Variants in SSPN observed in about 807,000 individuals in gnomAD.
The protein encoded by SSPN is sarcospan.
SSPN carries 15 observed loss-of-function variants against 19.1 expected under a neutral mutation model. That is an observed-to-expected ratio of 0.78 (90% CI 0.52 to 1.21). The LOEUF (loss-of-function observed/expected upper bound fraction) is 1.21, where lower values mean the gene tolerates loss of function less well. Among genes scored for constraint, SSPN ranks in the 50% most tolerant of loss-of-function variants. The pLI, the probability that SSPN is intolerant of heterozygous loss-of-function variation, is 0.00. For missense variants in SSPN, 291 were observed against 314.0 expected (o/e 0.93, Z 0.55); for synonymous variants, 147 against 140.3 (o/e 1.05, Z -0.34).
intron 1 of SSPN, among the ~76,000 whole-genome samples, chr12:26,173,919 A>G (rs975831871): frequency 6.6e-6 from 1 of 152,226 alleles, no homozygotes; most frequent in Non-Finnish European, 1.5e-5. Flanking sequence ...CCATAAAACT[A>G]CTAGACAAGG....
intron 1 of SSPN, among the ~76,000 whole-genome samples, chr12:26,176,420 C>T (rs867109668): frequency 1.3e-5 from 2 of 152,190 alleles, no homozygotes; most frequent in South Asian, 2.1e-4. Context: ...ATCCTTAAAG[C>T]GGTATCAAAA....
At chr12:26,123,956 G>C (rs1487784350) in intron 1 of SSPN, 22 of 843,486 alleles carry the variant, frequency 2.6e-5, no homozygotes, top group Non-Finnish European at 4.3e-5. Flanking sequence ...GTACGGTATA[G>C]CACAAGTTTT....
At chr12:26,162,418 G>A (rs947472116) in intron 1 of SSPN, among the ~76,000 whole-genome samples, 4 of 152,146 alleles carry the variant, frequency 2.6e-5, no homozygotes, top group Admixed American at 2.0e-4. Flanking sequence ...AATAACATGA[G>A]CTCCTTCTGC....
chr12:26,123,295 T>G (rs1204648617), intron 1 of SSPN: 2 of 1,278,704 alleles, frequency 1.6e-6, no homozygotes, highest in African/African-American at 1.5e-5. Flanking sequence ...TTTTCCCCAG[T>G]ATTCAAGTGA....
chr12:26,127,011 C>T (rs1591841321), intron 1 of SSPN, among the ~76,000 whole-genome samples: 1 of 152,146 alleles, frequency 6.6e-6, no homozygotes, highest in African/African-American at 2.4e-5. Flanking sequence ...CCTATTCCTG[C>T]AGTACTGTAT....
intron 2 of SSPN, among the ~76,000 whole-genome samples, chr12:26,226,679 CCTGA>C (rs1465487631): frequency 2.0e-5 from 3 of 152,116 alleles, no homozygotes; most frequent in East Asian, 1.9e-4. Context: ...TTCCTAGTGG[CCTGA>C]CTTTCTCAGG....
intron 1 of SSPN, among the ~76,000 whole-genome samples, chr12:26,160,531 T>A (rs1243649468): frequency 6.6e-6 from 1 of 152,238 alleles, no homozygotes; most frequent in Non-Finnish European, 1.5e-5. Flanking sequence ...TCAGTCACTT[T>A]GAAAAATTAT....
chr12:26,208,022 G>GGGT (rs1944947210), intron 1 of SSPN, among the ~76,000 whole-genome samples: 1 of 119,754 alleles, frequency 8.4e-6, no homozygotes, highest in Non-Finnish European at 2.1e-5. Flanking sequence ...TGGTGGTGGG[G>GGGT]GGGGGGGATA....
Position 26,152,333 on chromosome 12 carries a change from G to A in SSPN, c.-31+30181G>A, listed in dbSNP as rs1944530597. Reference sequence around the variant, plus strand: ...AGATAACAATAAAAATGTAGTATAAGTAAAACAATTAGGAAGTGATAAGTT... The same window carrying A: ...AGATAACAATAAAAATGTAGTATAAATAAAACAATTAGGAAGTGATAAGTT... On this transcript the variant is annotated intron_variant, in intron 1 of 2. Transcript: ENST00000538142. Among the ~76,000 whole-genome samples the A allele has an allele frequency of 2.6e-5, 4 of 152,108 alleles. No homozygotes were observed. The South Asian group carries it at 8.3e-4, about 31-fold the overall frequency.
chr12:26,160,814 A>G (rs1231897237), intron 1 of SSPN, among the ~76,000 whole-genome samples: 1 of 152,166 alleles, frequency 6.6e-6, no homozygotes, highest in Admixed American at 6.5e-5. Flanking sequence ...AGCATTTAAA[A>G]AAATCAAAGT....
intron 1 of SSPN, among the ~76,000 whole-genome samples, chr12:26,188,562 G>T (rs1043821418): frequency 6.6e-6 from 1 of 152,128 alleles, no homozygotes; most frequent in African/African-American, 2.4e-5. Flanking sequence ...CCTGTGTCCT[G>T]GTTGAGTTAT....
At chr12:26,218,696 T>C (rs1945086950) in intron 1 of SSPN, among the ~76,000 whole-genome samples, 1 of 152,176 alleles carries the variant, frequency 6.6e-6, no homozygotes, top group Non-Finnish European at 1.5e-5. Flanking sequence ...TCTGGAATCT[T>C]GATTGGATAA....
chr12:26,188,835 AC>A (rs1944770041), intron 1 of SSPN, among the ~76,000 whole-genome samples: 1 of 152,112 alleles, frequency 6.6e-6, no homozygotes, highest in Non-Finnish European at 1.5e-5. Flanking sequence ...GTTCTCACTA[AC>A]CTGGTATGTG....
intron 1 of SSPN, among the ~76,000 whole-genome samples, chr12:26,174,480 C>CTTCA (rs1944671302): frequency 8.5e-6 from 1 of 117,750 alleles, no homozygotes; most frequent in South Asian, 3.3e-4. Context: ...CCCACGCTTC[C>CTTCA]TTCCTTCCTT....
At chr12:26,181,664 T>G (rs1944719262) in intron 1 of SSPN, among the ~76,000 whole-genome samples, 1 of 152,218 alleles carries the variant, frequency 6.6e-6, no homozygotes, top group South Asian at 2.1e-4. Flanking sequence ...TTTCTTTTCT[T>G]TTTTTGGCTT....
At chr12:26,132,008 T>C (rs1052175799) in intron 1 of SSPN, among the ~76,000 whole-genome samples, 11 of 152,108 alleles carry the variant, frequency 7.2e-5, no homozygotes, top group Non-Finnish European at 1.5e-4. Flanking sequence ...TCACCTTCCT[T>C]GGTGAAGCTC....
Position 26,232,007 on chromosome 12 carries a change from GA to G in SSPN, c.*941del, listed in dbSNP as rs57504579. 980,955 of 981,326 alleles carry G rather than the reference GA, an allele frequency of 1. 490,292 individuals carry two copies. The highest frequency in any genetic ancestry group is 1 in the Middle Eastern group (1,904 of 1,904). The allele number at this position is 981,326 out of a possible 1,614,324, so 60.8% of individuals were successfully genotyped here. ...TCTTCTGAAAGCCAAGCACCACAAG[GA>G]AAAAAAAAATTATTAATAGCTCAGG... On this transcript the variant is annotated 3_prime_UTR_variant, in exon 3 of 3. Transcript: ENST00000242729.
chr12:26,153,302 CTATG>C (rs766249597), intron 1 of SSPN, among the ~76,000 whole-genome samples: 3 of 152,174 alleles, frequency 2.0e-5, no homozygotes, highest in Non-Finnish European at 2.9e-5. Flanking sequence ...TAAGCACTAT[CTATG>C]TAAGTTTCGC....
chr12:26,198,871 T>A (rs1944853593), intron 1 of SSPN, among the ~76,000 whole-genome samples: 1 of 152,180 alleles, frequency 6.6e-6, no homozygotes, highest in Non-Finnish European at 1.5e-5. Flanking sequence ...CCTGCCGGGT[T>A]ATATCAGTTT....
Sources: gnomAD v4.1 joint callset for allele counts (sites outside exome capture counted in the v4.1 genomes callset) on GRCh38, gnomAD v4.1.1 for gene constraint, MANE v1.5 for transcripts, NCBI Gene and HGNC (gene_info 2026-07-23, HGNC 2026-07-21) for gene names.